The following MRC1 variants were observed in gnomAD, a reference collection of about 807,000 sequenced individuals.
MRC1 encodes the protein mannose receptor C-type 1, also known as macrophage mannose receptor 1.
MRC1 carries 62 observed loss-of-function variants against 102.9 expected under a neutral mutation model. The ratio of observed to expected loss-of-function variants is 0.60; its 90% CI spans 0.49 to 0.74. The LOEUF (loss-of-function observed/expected upper bound fraction) is 0.74. Ranked by LOEUF, MRC1 falls within the 30% of genes least tolerant of loss-of-function variation. The pLI, the probability that MRC1 is intolerant of heterozygous loss-of-function variation, is 0.00. For missense variants in MRC1, 1,237 were observed against 862.8 expected, an observed-to-expected ratio of 1.43 and a Z score of -5.43; for synonymous variants, 457 against 298.4, an observed-to-expected ratio of 1.53 and a Z score of -5.48.
intron 11 of MRC1, among the ~76,000 whole-genome samples, chr10:17,864,164 G>A (rs1052012873): frequency 1.3e-5 from 2 of 151,820 alleles, no homozygotes; most frequent in African/African-American, 2.4e-5. Context: ...CAGCACGCCT[G>A]GTTAATTTTT....
intron 15 of MRC1, among the ~76,000 whole-genome samples, 186 bp downstream of exon 15, chr10:17,872,312 A>G (rs906623642): frequency 6.6e-6 from 1 of 152,336 alleles, no homozygotes; most frequent in East Asian, 1.9e-4. Flanking sequence ...AGGAACAGAG[A>G]AGATCAAAAG....
chr10:17,853,839 G>A (rs1833032256), intron 8 of MRC1, among the ~76,000 whole-genome samples: 1 of 152,118 alleles, frequency 6.6e-6, no homozygotes, highest in Non-Finnish European at 1.5e-5. Context: ...TTTATTAATA[G>A]ATGGTAAACA....
intron 24 of MRC1, 66 bp from the exon 25 acceptor site, chr10:17,900,722 T>C (rs1447302176): frequency 1.3e-5 from 10 of 780,074 alleles, no homozygotes; most frequent in Non-Finnish European, 2.2e-5. Context: ...TATTCTTGAA[T>C]TGGTTCTTTT....
intron 2 of MRC1, among the ~76,000 whole-genome samples, chr10:17,824,107 A>G (rs1384691527): frequency 6.6e-6 from 1 of 152,216 alleles, no homozygotes; most frequent in African/African-American, 2.4e-5. Flanking sequence ...GGTGGGAGGA[A>G]TCCTCTTATA....
intron 29 of MRC1, among the ~76,000 whole-genome samples, 172 bp downstream of exon 29, chr10:17,909,519 C>G (rs1554844103): frequency 6.6e-6 from 1 of 152,016 alleles, no homozygotes; most frequent in Admixed American, 6.6e-5. Flanking sequence ...GAAAAAGAGG[C>G]CTTGGAGTCA....
intron 3 of MRC1, among the ~76,000 whole-genome samples, chr10:17,831,339 T>A (rs936882097): frequency 6.6e-6 from 1 of 151,502 alleles, no homozygotes; most frequent in Non-Finnish European, 1.5e-5. Flanking sequence ...CCTCAGATCA[T>A]TATAATTTAA....
chr10:17,909,046 A>C (rs1030777170), intron 28 of MRC1, among the ~76,000 whole-genome samples: 149 of 152,300 alleles, frequency 9.8e-4, no homozygotes, highest in Non-Finnish European at 2.0e-3. Context: ...CTTCTAATGT[A>C]CTCAAACGCA....
intron 22 of MRC1, among the ~76,000 whole-genome samples, chr10:17,889,090 T>C (rs1388432104): frequency 3.9e-5 from 6 of 152,206 alleles, no homozygotes; most frequent in Admixed American, 1.3e-4. Flanking sequence ...CTGGTCTAGC[T>C]TTCTTTTGAT....
chr10:17,814,533 A>G (rs1838275947), intron 1 of MRC1, among the ~76,000 whole-genome samples: 1 of 152,166 alleles, frequency 6.6e-6, no homozygotes, highest in Non-Finnish European at 1.5e-5. Context: ...TAGAATGGCT[A>G]ATAGCACTAA....
chr10:17,832,688 C>G (rs990528810), intron 3 of MRC1, among the ~76,000 whole-genome samples: 2 of 150,886 alleles, frequency 1.3e-5, no homozygotes, highest in South Asian at 4.2e-4. Context: ...CCCGGGTTCA[C>G]GCCATTCTCC....
chr10:17,866,305 G>GAGGGGAGGAAGGGAGGAAGGAAGA (rs1433671814), intron 11 of MRC1, among the ~76,000 whole-genome samples: 1 of 152,202 alleles, frequency 6.6e-6, no homozygotes, highest in African/African-American at 2.4e-5. Context: ...GGGAAGGAAG[G>GAGGGGAGGAAGGGAGGAAGGAAGA]AGGGAGGGAG....
At chr10:17,842,321 A>G (rs561516) in intron 5 of MRC1, among the ~76,000 whole-genome samples, 69,778 of 152,078 alleles carry the variant, frequency 0.46, 16,608 homozygotes, top group East Asian at 0.66. Flanking sequence ...CTTCAATAAA[A>G]TAATATTTCA....
At chr10:17,859,548 C>T (rs1326436840) in intron 9 of MRC1, among the ~76,000 whole-genome samples, 1 of 152,146 alleles carries the variant, frequency 6.6e-6, no homozygotes, top group East Asian at 1.9e-4. Context: ...GAACTCCTGA[C>T]CTCAAGTGAC....
chr10:17,909,218 G>C, intron 28 of MRC1, 88 bp from the exon 29 acceptor site: 1 of 745,870 alleles, frequency 1.3e-6, no homozygotes, highest in South Asian at 1.4e-5. Context: ...AAATGTGGAG[G>C]ATTCCATGTA....
rs1013203235 is a variant in MRC1 at position 17,881,025 on chromosome 10, C to T, written c.2866-42C>T. The T allele has an allele frequency of 1.9e-5, 15 of 779,514 alleles. No individual in the cohort carries two copies. In the African/African-American group the frequency reaches 2.0e-4, roughly 11 times the overall value. 48.3% of individuals were successfully genotyped at this position (779,514 alleles called of 1,614,324 possible). A position where few individuals can be genotyped will look rare whatever the true frequency, so the allele number is the denominator to read the frequency against. On this transcript the variant is annotated intron_variant, in intron 20 of 29. Transcript: ENST00000569591. ...CAAAGTTGATCATCTTTAGTTAACC[C>T]CTGCAGTTTTTCTTTTTTTCTCTGC...
chr10:17,851,916 C>T (rs1838923485), intron 7 of MRC1, among the ~76,000 whole-genome samples: 1 of 152,210 alleles, frequency 6.6e-6, no homozygotes, highest in South Asian at 2.1e-4. Context: ...GAATCTTATA[C>T]ATTGTGATGT....
intron 9 of MRC1, 145 bp downstream of exon 9, chr10:17,856,497 T>C: frequency 3.0e-6 from 2 of 657,666 alleles, no homozygotes; most frequent in East Asian, 2.7e-5. Flanking sequence ...TTGTTAGTGT[T>C]GATCTCACTG....
At chr10:17,902,388 GA>G (rs1258053590) in intron 26 of MRC1, among the ~76,000 whole-genome samples, 1 of 152,076 alleles carries the variant, frequency 6.6e-6, no homozygotes, top group Admixed American at 6.6e-5. Context: ...AAATTGTTAG[GA>G]TTCTCATCCT....
Position 17,863,641 on chromosome 10 carries a change from A to G in MRC1, c.1742A>G (p.Glu581Gly). Residue 581 changes from glutamate to glycine, a missense_variant, in exon 11 of 30, where the codon GAG becomes GGG. Glu to Gly is a moderately conservative substitution (Grantham distance 98, BLOSUM62 -2). Transcript: ENST00000569591. ...AAAGGGACTTTTCAGTGGACCATCG[A>G]GGAAGAGGTTCGGTTCACCCACTGG... is the stretch of plus-strand genomic sequence containing the variant. ...QTKGTFQWTI[E>G]EEVRFTHWNS... 1 of 780,880 alleles carries G rather than the reference A, an allele frequency of 1.3e-6. No individual in the cohort carries two copies. The highest frequency in any genetic ancestry group is 1.7e-5 in the Admixed American group (1 of 59,040). The allele number at this position is 780,880 out of a possible 1,614,324, so 48.4% of individuals were successfully genotyped here.
Sources: gnomAD v4.1 joint callset for allele counts (sites outside exome capture counted in the v4.1 genomes callset) on GRCh38, gnomAD v4.1.1 for gene constraint, MANE v1.5 for transcripts, NCBI Gene and HGNC (gene_info 2026-07-23, HGNC 2026-07-21) for gene names.